The following MAGI2 variants were observed in gnomAD, a reference collection of about 807,000 sequenced individuals.
The protein encoded by MAGI2 is membrane-associated guanylate kinase, WW and PDZ domain-containing protein 2.
In MAGI2, 35 loss-of-function variants were observed where a neutral mutation model predicts 133.3. The ratio of observed to expected loss-of-function variants is 0.26; its 90% CI spans 0.20 to 0.35. The LOEUF is 0.35. Ranked by LOEUF, MAGI2 falls within the 10% of genes least tolerant of loss-of-function variation. MAGI2 has a pLI of 1.00. For missense variants in MAGI2, 1,636 were observed against 1,863.4 expected (o/e 0.88, Z 2.25); for synonymous variants, 729 against 710.6 (o/e 1.03, Z -0.41).
intron 2 of MAGI2, among the ~76,000 whole-genome samples, chr7:78,862,284 G>T (rs1235497964): frequency 6.6e-6 from 1 of 152,134 alleles, no homozygotes; most frequent in Non-Finnish European, 1.5e-5. Context: ...ACACAAAGAT[G>T]ATCTCCCACA....
chr7:78,669,610 C>T (rs1408899015), intron 2 of MAGI2, among the ~76,000 whole-genome samples: 4 of 132,322 alleles, frequency 3.0e-5, no homozygotes, highest in African/African-American at 1.2e-4. Context: ...CGGGCAGAGA[C>T]ACAACAAAAA....
intron 2 of MAGI2, among the ~76,000 whole-genome samples, chr7:78,770,104 GCTTT>G (rs1211998436): frequency 3.9e-5 from 6 of 152,156 alleles, no homozygotes; most frequent in Admixed American, 3.3e-4. Flanking sequence ...CACAAGCAAT[GCTTT>G]CTTTGTAAAA....
chr7:78,141,660 A>G (rs1201540846), intron 16 of MAGI2, among the ~76,000 whole-genome samples: 1 of 152,164 alleles, frequency 6.6e-6, no homozygotes, highest in Non-Finnish European at 1.5e-5. Context: ...ACCCAAAATC[A>G]AACAGCTGGT....
intron 3 of MAGI2, among the ~76,000 whole-genome samples, chr7:78,587,415 T>C (rs1040870200): frequency 2.6e-5 from 4 of 152,230 alleles, no homozygotes; most frequent in African/African-American, 7.2e-5. Flanking sequence ...TTGCTAGTTA[T>C]ATTTAAGTTA....
Position 78,019,087 on chromosome 7 carries a change from C to A in MAGI2, c.*228G>T, listed in dbSNP as rs1369371292. 1 of 466,076 alleles carries A rather than the reference C, an allele frequency of 2.1e-6. No individual in the cohort carries two copies. Among genetic ancestry groups the A allele is most frequent in the Admixed American group, 4.2e-5 (1 of 23,656 alleles). The allele number at this position is 466,076 out of a possible 1,614,324, so 28.9% of individuals were successfully genotyped here. A position where few individuals can be genotyped will look rare whatever the true frequency, so the allele number is the denominator to read the frequency against. ...GTTATTTTGGTTCTTCCATAGCTGCCAAAGCCCCCACAAGGGAACCGGGGG... is the reference window on the plus strand; with the variant it reads ...GTTATTTTGGTTCTTCCATAGCTGCAAAAGCCCCCACAAGGGAACCGGGGG... On this transcript the variant is annotated 3_prime_UTR_variant, in exon 22 of 22. Transcript: ENST00000354212.
chr7:78,738,930 G>T (rs1420587556), intron 2 of MAGI2, among the ~76,000 whole-genome samples: 3 of 152,134 alleles, frequency 2.0e-5, no homozygotes, highest in Admixed American at 2.0e-4. Flanking sequence ...AATACTTACT[G>T]CATGTGCTTA....
intron 6 of MAGI2, among the ~76,000 whole-genome samples, chr7:78,461,393 CGTGTGTGTGTGTGT>C (rs10654835): frequency 4.3e-5 from 6 of 138,016 alleles, no homozygotes; most frequent in South Asian, 2.5e-4. Flanking sequence ...CGTGTGTGTG[CGTGTGTGTGTGTGT>C]GTGTGTGTGT....
intron 10 of MAGI2, among the ~76,000 whole-genome samples, chr7:78,240,145 CCT>C (rs1333099949): frequency 8.5e-5 from 13 of 152,308 alleles, no homozygotes; most frequent in African/African-American, 3.1e-4. Flanking sequence ...CCTCCTGCCC[CCT>C]GATAGGCCCC....
At chr7:78,169,600 G>A (rs1382082008) in intron 14 of MAGI2, among the ~76,000 whole-genome samples, 1 of 151,506 alleles carries the variant, frequency 6.6e-6, no homozygotes. Flanking sequence ...CTTAGTCCAT[G>A]GAATAGCTCT....
chr7:78,351,230 G>A (rs1791478743), intron 7 of MAGI2, among the ~76,000 whole-genome samples: 1 of 152,030 alleles, frequency 6.6e-6, no homozygotes, highest in Non-Finnish European at 1.5e-5. Context: ...TTGTGGGCAG[G>A]GAATGGTGAC....
intron 1 of MAGI2, among the ~76,000 whole-genome samples, chr7:79,322,047 A>C (rs1839222381): frequency 6.6e-6 from 1 of 152,206 alleles, no homozygotes; most frequent in South Asian, 2.1e-4. Flanking sequence ...TAGAGTACCT[A>C]TTTTAGTTCA....
chr7:79,299,114 A>C (rs1659923874), intron 1 of MAGI2, among the ~76,000 whole-genome samples: 1 of 152,100 alleles, frequency 6.6e-6, no homozygotes, highest in African/African-American at 2.4e-5. Flanking sequence ...TAATAAGGCA[A>C]TGTGATGGGT....
intron 1 of MAGI2, among the ~76,000 whole-genome samples, chr7:79,445,543 A>C (rs1848788624): frequency 1.3e-5 from 2 of 152,166 alleles, no homozygotes; most frequent in African/African-American, 4.8e-5. Context: ...GACATTTATG[A>C]AACCAAAAGA....
chr7:78,558,721 A>T (rs868037566), intron 3 of MAGI2, among the ~76,000 whole-genome samples: 43 of 152,224 alleles, frequency 2.8e-4, no homozygotes, highest in African/African-American at 1.0e-3. Flanking sequence ...CAAGTGTGAC[A>T]GTAATTGTAA....
chr7:78,663,238 A>C (rs1585010657), intron 2 of MAGI2, among the ~76,000 whole-genome samples: 5 of 123,506 alleles, frequency 4.0e-5, no homozygotes, highest in East Asian at 2.3e-4. Context: ...ACACAGTCTC[A>C]CTCTCTCGCC....
intron 1 of MAGI2, among the ~76,000 whole-genome samples, chr7:79,225,836 A>C (rs535131991): frequency 6.6e-6 from 1 of 152,168 alleles, no homozygotes; most frequent in Non-Finnish European, 1.5e-5. Flanking sequence ...TAAACTGCTG[A>C]CCCTATCTTC....
At chr7:79,222,502 T>A (rs529653417) in intron 1 of MAGI2, among the ~76,000 whole-genome samples, 28 of 152,116 alleles carry the variant, frequency 1.8e-4, no homozygotes, top group Admixed American at 5.9e-4. Flanking sequence ...TAATTGAAAT[T>A]TAATAATTTG....
At chr7:79,224,659 T>C (rs1006704451) in intron 1 of MAGI2, among the ~76,000 whole-genome samples, 2 of 152,160 alleles carry the variant, frequency 1.3e-5, no homozygotes, top group Non-Finnish European at 2.9e-5. Context: ...ACTACTGATA[T>C]ATGCAACAAC....
chr7:78,252,677 C>T (rs557345288), intron 10 of MAGI2: 19 of 151,904 alleles, frequency 1.3e-4, no homozygotes, highest in African/African-American at 4.3e-4. Context: ...CACGGTGGCT[C>T]ACGCCCGTAA....
Sources: gnomAD v4.1 joint callset for allele counts (sites outside exome capture counted in the v4.1 genomes callset) on GRCh38, gnomAD v4.1.1 for gene constraint, MANE v1.5 for transcripts, NCBI Gene and HGNC (gene_info 2026-07-23, HGNC 2026-07-21) for gene names.